The following HCN1 variants were observed in gnomAD, a reference collection of about 807,000 sequenced individuals.
The protein encoded by HCN1 is hyperpolarization activated cyclic nucleotide gated potassium channel 1, also known as potassium/sodium hyperpolarization-activated cyclic nucleotide-gated channel 1.
A neutral mutation model predicts 78.9 loss-of-function variants in HCN1; 13 were observed. The observed-to-expected ratio is 0.16, with a 90% CI of 0.11 to 0.26. The LOEUF is 0.26. Ranked by LOEUF, HCN1 falls within the 10% of genes least tolerant of loss-of-function variation. The probability of loss-of-function intolerance (pLI) is 1.00; values close to 1 mark genes in which losing one functional copy is unlikely to be tolerated. For synonymous variants in HCN1, 552 were observed against 455.5 expected, an observed-to-expected ratio of 1.21 and a Z score of -2.70; for missense variants, 810 against 1,154.3, an observed-to-expected ratio of 0.70 and a Z score of 4.32.
intron 1 of HCN1, among the ~76,000 whole-genome samples, chr5:45,691,768 A>G (rs1739917281): frequency 6.6e-6 from 1 of 152,148 alleles, no homozygotes; most frequent in South Asian, 2.1e-4. Context: ...TCTATTATGA[A>G]CTGTATAATA....
intron 1 of HCN1, among the ~76,000 whole-genome samples, chr5:45,679,273 G>C (rs545451161): frequency 1.3e-5 from 2 of 151,968 alleles, no homozygotes. Context: ...ACCTGTCATA[G>C]GGTTGCTCTA....
intron 1 of HCN1, among the ~76,000 whole-genome samples, chr5:45,684,132 CA>C (rs935379748): frequency 1.3e-5 from 2 of 152,138 alleles, no homozygotes; most frequent in Non-Finnish European, 2.9e-5. Flanking sequence ...AAGGAAACTA[CA>C]AATCTTTGAA....
At chr5:45,315,873 G>A (rs1033673770) in intron 5 of HCN1, among the ~76,000 whole-genome samples, 1 of 152,144 alleles carries the variant, frequency 6.6e-6, no homozygotes, top group Non-Finnish European at 1.5e-5. Flanking sequence ...GGAGGAAGCT[G>A]AATCCCTGAA....
intron 3 of HCN1, among the ~76,000 whole-genome samples, chr5:45,398,875 A>C (rs1313117515): frequency 6.6e-6 from 1 of 152,214 alleles, no homozygotes; most frequent in African/African-American, 2.4e-5. Flanking sequence ...GCAATTTTGC[A>C]GCAGCTTTCA....
intron 3 of HCN1, among the ~76,000 whole-genome samples, chr5:45,417,657 T>C (rs1316759111): frequency 6.9e-6 from 1 of 144,376 alleles, no homozygotes; most frequent in African/African-American, 2.6e-5. Flanking sequence ...CAACAGGTTA[T>C]CCACAGTCAG....
intron 3 of HCN1, among the ~76,000 whole-genome samples, chr5:45,460,534 C>G (rs1741124360): frequency 6.6e-6 from 1 of 151,848 alleles, no homozygotes; most frequent in Non-Finnish European, 1.5e-5. Context: ...GTGTGGGGAA[C>G]ACAGAAAAAT....
chr5:45,677,794 A>G (rs1165891940), intron 1 of HCN1, among the ~76,000 whole-genome samples: 3 of 151,908 alleles, frequency 2.0e-5, no homozygotes, highest in Admixed American at 1.3e-4. Context: ...CTGAGAGCCA[A>G]GGGTTTGTTT....
At chr5:45,394,647 T>G (rs941923593) in intron 4 of HCN1, among the ~76,000 whole-genome samples, 2 of 152,030 alleles carry the variant, frequency 1.3e-5, no homozygotes, top group Non-Finnish European at 2.9e-5. Flanking sequence ...GACCTAAAAT[T>G]TATTCTTTTA....
chr5:45,622,799 G>A (rs1262987114), intron 2 of HCN1, among the ~76,000 whole-genome samples: 2 of 152,070 alleles, frequency 1.3e-5, no homozygotes, highest in Admixed American at 6.6e-5. Flanking sequence ...GTTTATTCAT[G>A]GTCAAATTGT....
At chr5:45,584,906 G>C (rs1167669584) in intron 2 of HCN1, among the ~76,000 whole-genome samples, 1 of 152,194 alleles carries the variant, frequency 6.6e-6, no homozygotes, top group African/African-American at 2.4e-5. Flanking sequence ...TCAGCTGTTA[G>C]TCTGATGGGC....
intron 4 of HCN1, among the ~76,000 whole-genome samples, chr5:45,372,278 T>G (rs1486627175): frequency 1.1e-5 from 1 of 89,580 alleles, no homozygotes; most frequent in Admixed American, 2.0e-4. Context: ...TATTTATATA[T>G]ATAATATATA....
At chr5:45,486,038 TG>T (rs1741756720) in intron 2 of HCN1, among the ~76,000 whole-genome samples, 1 of 152,184 alleles carries the variant, frequency 6.6e-6, no homozygotes, top group Non-Finnish European at 1.5e-5. Context: ...TTACAGAATT[TG>T]AGTAAATTGC....
chr5:45,374,226 T>A (rs1168797324), intron 4 of HCN1, among the ~76,000 whole-genome samples: 14 of 118,300 alleles, frequency 1.2e-4, no homozygotes, highest in African/African-American at 4.1e-4. Flanking sequence ...ATGTACATTA[T>A]ATACATAACA....
chr5:45,376,215 A>G (rs1457750858), intron 4 of HCN1, among the ~76,000 whole-genome samples: 14 of 116,262 alleles, frequency 1.2e-4, no homozygotes, highest in African/African-American at 4.8e-4. Context: ...TATATATAAT[A>G]CATTATATAT....
chr5:45,678,214 C>T (rs1312947225), intron 1 of HCN1, among the ~76,000 whole-genome samples: 3 of 151,854 alleles, frequency 2.0e-5, no homozygotes, highest in Non-Finnish European at 4.4e-5. Context: ...AAATATCCTG[C>T]TATCAGACCA....
chr5:45,579,189 A>AT (rs1744007030), intron 2 of HCN1, among the ~76,000 whole-genome samples: 1 of 152,114 alleles, frequency 6.6e-6, no homozygotes, highest in Non-Finnish European at 1.5e-5. Flanking sequence ...AATCCTAAAA[A>AT]TTTAGTCAAA....
intron 4 of HCN1, among the ~76,000 whole-genome samples, chr5:45,354,860 A>G (rs368754559): frequency 6.6e-6 from 1 of 151,948 alleles, no homozygotes; most frequent in African/African-American, 2.4e-5. Flanking sequence ...TTTCTTTTCC[A>G]TGCATCTCAG....
chr5:45,394,775 C>A (rs775778111), intron 4 of HCN1, among the ~76,000 whole-genome samples: 3 of 151,958 alleles, frequency 2.0e-5, no homozygotes, highest in Non-Finnish European at 4.4e-5. Flanking sequence ...GAGATTGCAC[C>A]ACTGCACTCC....
intron 1 of HCN1, among the ~76,000 whole-genome samples, chr5:45,680,351 TATTG>T (rs574605981): frequency 1.3e-3 from 203 of 152,250 alleles, no homozygotes; most frequent in Non-Finnish European, 2.4e-3. Context: ...ACTAAAAAAG[TATTG>T]ATTATTTATG....
Sources: allele counts gnomAD v4.1 joint callset (sites outside exome capture counted in the v4.1 genomes callset), GRCh38; gene constraint gnomAD v4.1.1; transcripts MANE v1.5; gene names NCBI Gene and HGNC (gene_info 2026-07-23, HGNC 2026-07-21).